CSMD1: variants seen among roughly 807,000 people sequenced by gnomAD.
CSMD1 encodes the protein CUB and Sushi multiple domains 1, also known as CUB and sushi domain-containing protein 1.
A neutral mutation model predicts 417.5 loss-of-function variants in CSMD1; 213 were observed. The ratio of observed to expected loss-of-function variants is 0.51; its 90% confidence interval spans 0.46 to 0.57. The LOEUF (loss-of-function observed/expected upper bound fraction) is 0.57. Among genes scored for constraint, CSMD1 ranks in the 20% least tolerant of loss-of-function variants. The probability of loss-of-function intolerance (pLI) is 0.00; values close to 1 mark genes in which losing one functional copy is unlikely to be tolerated. For synonymous variants in CSMD1, 2,862 were observed against 1,736.8 expected, an observed-to-expected ratio of 1.65 and a Z score of -16.11; for missense variants, 6,923 against 4,529.7, an observed-to-expected ratio of 1.53 and a Z score of -15.17.
At chr8:3,226,924 C>A (rs1482576865) in intron 27 of CSMD1, among the ~76,000 whole-genome samples, 1 of 150,706 alleles carries the variant, frequency 6.6e-6, no homozygotes, top group Non-Finnish European at 1.5e-5. Flanking sequence ...TTCAAACAGC[C>A]AATAAGCATA....
chr8:3,399,361 G>T, intron 16 of CSMD1, 30 bp downstream of exon 16: 1 of 1,568,790 alleles, frequency 6.4e-7, no homozygotes. Context: ...CACACCATTG[G>T]GTCCAAATGA....
intron 3 of CSMD1, among the ~76,000 whole-genome samples, chr8:4,188,003 A>T (rs1010472555): frequency 6.6e-6 from 1 of 152,138 alleles, no homozygotes; most frequent in African/African-American, 2.4e-5. Context: ...CTAAAAAGCC[A>T]ATACCTTTTT....
At chr8:4,855,244 C>T (rs1275592621) in intron 1 of CSMD1, among the ~76,000 whole-genome samples, 2 of 150,630 alleles carry the variant, frequency 1.3e-5, no homozygotes, top group African/African-American at 4.8e-5. Context: ...AAAGGATATC[C>T]ACATCAAAAA....
At chr8:3,492,092 A>C (rs1302485393) in intron 11 of CSMD1, among the ~76,000 whole-genome samples, 2 of 152,158 alleles carry the variant, frequency 1.3e-5, no homozygotes, top group African/African-American at 2.4e-5. Context: ...GTGTATGTGA[A>C]TTTCCTCCAG....
chr8:4,089,065 G>A (rs74572238), intron 3 of CSMD1, among the ~76,000 whole-genome samples: 27 of 152,334 alleles, frequency 1.8e-4, no homozygotes, highest in African/African-American at 6.0e-4. Flanking sequence ...CTTGCCGCCA[G>A]AGCTTCTGAC....
chr8:4,901,548 C>T (rs1453550771), intron 1 of CSMD1, among the ~76,000 whole-genome samples: 1 of 151,670 alleles, frequency 6.6e-6, no homozygotes, highest in Non-Finnish European at 1.5e-5. Flanking sequence ...GATCTCCCCA[C>T]CAAAAAAGTG....
At chr8:3,747,464 T>C (rs1369962315) in intron 6 of CSMD1, among the ~76,000 whole-genome samples, 2 of 151,864 alleles carry the variant, frequency 1.3e-5, no homozygotes, top group African/African-American at 2.4e-5. Flanking sequence ...GCTTTGCAAA[T>C]TCCTGTTTTT....
intron 3 of CSMD1, among the ~76,000 whole-genome samples, chr8:4,120,734 T>C (rs542550182): frequency 6.6e-6 from 1 of 152,194 alleles, no homozygotes; most frequent in African/African-American, 2.4e-5. Flanking sequence ...GCAGAGAATG[T>C]CAGGCTCAGA....
At chr8:3,589,203 A>G (rs557852724) in intron 8 of CSMD1, among the ~76,000 whole-genome samples, 27 of 152,200 alleles carry the variant, frequency 1.8e-4, no homozygotes, top group Admixed American at 3.9e-4. Context: ...AATTAAAAAT[A>G]GAACTACTAC....
chr8:3,492,406 T>C (rs976696400), intron 11 of CSMD1, among the ~76,000 whole-genome samples: 3 of 152,012 alleles, frequency 2.0e-5, no homozygotes, highest in African/African-American at 7.2e-5. Flanking sequence ...GCATCCTCAG[T>C]AGTATATAAG....
At chr8:4,321,352 G>A (rs574549586) in intron 3 of CSMD1, among the ~76,000 whole-genome samples, 3 of 152,040 alleles carry the variant, frequency 2.0e-5, no homozygotes, top group South Asian at 4.2e-4. Context: ...CTCCTCTCCC[G>A]CGCTGGCAGT....
chr8:3,250,760 T>A (rs1335770757), intron 26 of CSMD1, among the ~76,000 whole-genome samples: 2 of 152,192 alleles, frequency 1.3e-5, no homozygotes, highest in Non-Finnish European at 1.5e-5. Flanking sequence ...CCATTCTAAC[T>A]GGTGTGAGAC....
chr8:4,354,716 T>A (rs908263960), intron 3 of CSMD1, among the ~76,000 whole-genome samples: 2 of 152,150 alleles, frequency 1.3e-5, no homozygotes, highest in Non-Finnish European at 2.9e-5. Context: ...TTTGAAACAC[T>A]TGTATTTATA....
At chr8:3,700,315 T>G (rs1014147866) in intron 7 of CSMD1, among the ~76,000 whole-genome samples, 7 of 152,228 alleles carry the variant, frequency 4.6e-5, no homozygotes, top group Non-Finnish European at 1.5e-5. Flanking sequence ...GTAGTTCAGT[T>G]TATATTCTAC....
intron 1 of CSMD1, among the ~76,000 whole-genome samples, chr8:4,898,231 A>T (rs2117031114): frequency 6.6e-6 from 1 of 152,282 alleles, no homozygotes; most frequent in Admixed American, 6.5e-5. Context: ...ACATGAACGG[A>T]GAGCATCGGG....
chr8:3,690,195 C>G (rs749570701), intron 7 of CSMD1, among the ~76,000 whole-genome samples: 23 of 152,110 alleles, frequency 1.5e-4, no homozygotes, highest in Non-Finnish European at 1.5e-4. Context: ...CCTGTCTCTA[C>G]AAAAAATACA....
chr8:4,696,943 C>G (rs1807175041), intron 1 of CSMD1, among the ~76,000 whole-genome samples: 1 of 152,120 alleles, frequency 6.6e-6, no homozygotes, highest in African/African-American at 2.4e-5. Flanking sequence ...GGAGGCCGAG[C>G]TGGGTAGATC....
At chr8:4,627,673 C>T (rs1016324483) in intron 2 of CSMD1, among the ~76,000 whole-genome samples, 5 of 152,104 alleles carry the variant, frequency 3.3e-5, no homozygotes, top group Admixed American at 2.6e-4. Flanking sequence ...CCAGCTGCTC[C>T]GGGATGCCCC....
At chr8:3,513,508 T>C (rs1007623539) in intron 10 of CSMD1, among the ~76,000 whole-genome samples, 1 of 152,048 alleles carries the variant, frequency 6.6e-6, no homozygotes, top group Non-Finnish European at 1.5e-5. Context: ...TGTGAGTCAA[T>C]ACTCCTTAAT....
Sources: gnomAD v4.1 joint callset for allele counts (sites outside exome capture counted in the v4.1 genomes callset) on GRCh38, gnomAD v4.1.1 for gene constraint, MANE v1.5 for transcripts, NCBI Gene and HGNC (gene_info 2026-07-23, HGNC 2026-07-21) for gene names.